The following COG5 variants were observed in gnomAD, a reference collection of about 807,000 sequenced individuals.
COG5 encodes the protein component of oligomeric golgi complex 5.
In COG5, 86 loss-of-function variants were observed where a neutral mutation model predicts 110.4. The observed-to-expected ratio is 0.78, with a 90% CI of 0.65 to 0.93. COG5 has a LOEUF of 0.93. Ranked by LOEUF, COG5 falls within the 40% of genes least tolerant of loss-of-function variation. COG5 has a pLI of 0.00. For synonymous variants in COG5, 360 were observed against 334.6 expected, an observed-to-expected ratio of 1.08 and a Z score of -0.83; for missense variants, 1,077 against 987.0, an observed-to-expected ratio of 1.09 and a Z score of -1.22.
intron 16 of COG5, among the ~76,000 whole-genome samples, chr7:107,249,603 CA>C (rs2116559946): frequency 6.6e-6 from 1 of 151,226 alleles, no homozygotes; most frequent in South Asian, 2.1e-4. Flanking sequence ...AATCAATGAG[CA>C]AAGGTAAAAT....
At chr7:107,529,302 G>A (rs966295147) in intron 5 of COG5, among the ~76,000 whole-genome samples, 1 of 152,192 alleles carries the variant, frequency 6.6e-6, no homozygotes, top group Non-Finnish European at 1.5e-5. Context: ...CACTAGGAAC[G>A]TCGGTTGATG....
At chr7:107,386,594 G>C (rs1405559699) in intron 7 of COG5, among the ~76,000 whole-genome samples, 1 of 152,138 alleles carries the variant, frequency 6.6e-6, no homozygotes, top group Non-Finnish European at 1.5e-5. Flanking sequence ...TTCATGATGG[G>C]ACAACAGTTA....
intron 18 of COG5, among the ~76,000 whole-genome samples, chr7:107,234,749 G>C (rs774019236): frequency 1.3e-5 from 2 of 151,414 alleles, no homozygotes; most frequent in African/African-American, 4.9e-5. Context: ...GGGAAGAGGA[G>C]AACAGAGACC....
At chr7:107,518,058 A>G (rs1800064016) in intron 6 of COG5, among the ~76,000 whole-genome samples, 1 of 152,158 alleles carries the variant, frequency 6.6e-6, no homozygotes, top group African/African-American at 2.4e-5. Flanking sequence ...ACTAAGCTTC[A>G]TGAACAAAGC....
chr7:107,490,868 T>G (rs1389021389), intron 6 of COG5, among the ~76,000 whole-genome samples: 1 of 152,156 alleles, frequency 6.6e-6, no homozygotes, highest in Admixed American at 6.6e-5. Context: ...TATGATATTA[T>G]GAAGCCTCTA....
At chr7:107,335,942 C>A (rs1245925465) in intron 10 of COG5, among the ~76,000 whole-genome samples, 1 of 151,940 alleles carries the variant, frequency 6.6e-6, no homozygotes, top group African/African-American at 2.4e-5. Context: ...TATGTATGCA[C>A]CCAATATTGA....
intron 6 of COG5, among the ~76,000 whole-genome samples, chr7:107,428,289 T>TA (rs1258204917): frequency 6.6e-6 from 1 of 152,140 alleles, no homozygotes; most frequent in Non-Finnish European, 1.5e-5. Flanking sequence ...GCTACTATCC[T>TA]AGTTAAAATA....
At chr7:107,268,487 T>C (rs890071252) in intron 14 of COG5, among the ~76,000 whole-genome samples, 1 of 152,182 alleles carries the variant, frequency 6.6e-6, no homozygotes, top group Non-Finnish European at 1.5e-5. Flanking sequence ...CATTCTATGA[T>C]TGTGTTTGCC....
At chr7:107,511,072 C>A (rs772829935) in intron 6 of COG5, among the ~76,000 whole-genome samples, 2 of 147,542 alleles carry the variant, frequency 1.4e-5, no homozygotes, top group African/African-American at 4.9e-5. Flanking sequence ...AATAGAGACA[C>A]AAAATACCGT....
At chr7:107,341,927 C>T (rs1165482210) in intron 10 of COG5, among the ~76,000 whole-genome samples, 1 of 152,082 alleles carries the variant, frequency 6.6e-6, no homozygotes, top group African/African-American at 2.4e-5. Context: ...TATAAAAATT[C>T]TAAAAGAAAA....
chr7:107,510,828 G>C (rs970828629), intron 6 of COG5, among the ~76,000 whole-genome samples: 10 of 152,162 alleles, frequency 6.6e-5, no homozygotes, highest in Non-Finnish European at 1.3e-4. Flanking sequence ...CAGAAATAAA[G>C]ATGTTCTCTG....
chr7:107,502,567 T>A (rs764762213), intron 6 of COG5, among the ~76,000 whole-genome samples: 1 of 152,254 alleles, frequency 6.6e-6, no homozygotes, highest in South Asian at 2.1e-4. Context: ...GAATGGTAGA[T>A]CTACTTTTAG....
At chr7:107,208,746 C>A in intron 21 of COG5, 1 of 985,458 alleles carries the variant, frequency 1.0e-6, no homozygotes, top group Non-Finnish European at 1.2e-6. Flanking sequence ...CCGAGCTAAT[C>A]TTTATCCACA....
At chr7:107,389,173 A>G (rs1481459845) in intron 7 of COG5, among the ~76,000 whole-genome samples, 3 of 152,052 alleles carry the variant, frequency 2.0e-5, no homozygotes, top group Admixed American at 6.5e-5. Context: ...CCCAGCCTAT[A>G]ATAACGTGAC....
intron 6 of COG5, among the ~76,000 whole-genome samples, chr7:107,421,135 C>G (rs1274805486): frequency 1.3e-5 from 2 of 152,116 alleles, no homozygotes; most frequent in Non-Finnish European, 2.9e-5. Flanking sequence ...TCCTGACTTT[C>G]TAACTGTGAT....
rs1215601111 is a variant in COG5 at position 107,253,768 on chromosome 7, G to A, written c.1749+2964C>T. Among the ~76,000 whole-genome samples, 4 of 151,950 alleles carry A rather than the reference G, an allele frequency of 2.6e-5. No homozygotes were observed. In the East Asian group the frequency reaches 7.7e-4, roughly 29 times the overall value. On this transcript the variant is annotated intron_variant, in intron 16 of 21. Transcript: ENST00000297135. ...CTCACTCACTCTGCTCCAGCCACTC[G>A]GGCCTCCTGGCTGTTCTGTGACTAT... is the stretch of plus-strand genomic sequence containing the variant.
At position 107,210,620 on chromosome 7, in the gene COG5, C is replaced by T. The variant is rs751658237; in HGVS notation, c.2296-15G>A. ...CACTCTGCCCTCTGCAGGGTTGAAA[C>T]ACAATTAGAGAGAGTGCATACGCAT... On this transcript the variant is annotated splice_polypyrimidine_tract_variant and intron_variant, in intron 20 of 21. Transcript: ENST00000297135. 1.9e-6 allele frequency: 3 copies of T among 1,590,134 alleles called. No individual in the cohort carries two copies. The highest frequency in any genetic ancestry group is 2.6e-6 in the Non-Finnish European group (3 of 1,167,106).
chr7:107,283,931 C>CTTTTTTTTTTTCTT (rs71522833), intron 12 of COG5, among the ~76,000 whole-genome samples, 199 bp from the exon 13 acceptor site: 1 of 142,636 alleles, frequency 7.0e-6, no homozygotes. Context: ...CCATAGTAAC[C>CTTTTTTTTTTTCTT]TTTTTTTTTT....
At chr7:107,477,396 A>G (rs376669579) in intron 6 of COG5, among the ~76,000 whole-genome samples, 1 of 151,748 alleles carries the variant, frequency 6.6e-6, no homozygotes, top group South Asian at 2.1e-4. Flanking sequence ...CTTCAGGTTT[A>G]TAACTATGCC....
Sources: gnomAD v4.1 joint callset for allele counts (sites outside exome capture counted in the v4.1 genomes callset) on GRCh38, gnomAD v4.1.1 for gene constraint, MANE v1.5 for transcripts, NCBI Gene and HGNC (gene_info 2026-07-23, HGNC 2026-07-21) for gene names.